SLC2A9: variants seen among roughly 807,000 people sequenced by gnomAD.
SLC2A9 encodes solute carrier family 2, facilitated glucose transporter member 9.
In SLC2A9, 39 loss-of-function variants were observed where a neutral mutation model predicts 50.6. The ratio of observed to expected loss-of-function variants is 0.77; its 90% confidence interval spans 0.60 to 1.01. The LOEUF (loss-of-function observed/expected upper bound fraction) is 1.01, where lower values mean the gene tolerates loss of function less well. SLC2A9 is among the 50% of genes least tolerant of loss of function. SLC2A9 has a pLI of 0.00. For missense variants in SLC2A9, 686 were observed against 677.6 expected (o/e 1.01, Z -0.14); for synonymous variants, 324 against 276.9 (o/e 1.17, Z -1.69).
rs1470309954 is a variant in SLC2A9 at position 9,784,867 on chromosome 4, G to A, written n.386-4802C>T. On this transcript the variant is annotated intron_variant and non_coding_transcript_variant, in intron 3 of 3. Coordinates refer to the SLC2A9 transcript ENST00000503803. ...TTCAATCAATTTTGATCTCTTTAAG[G>A]CTAATTTTATTGTCAGTCTTCTGTG... Among the ~76,000 whole-genome samples the A allele has an allele frequency of 2.0e-5, 3 of 152,158 alleles. No individual in the cohort carries two copies. In the South Asian group the frequency reaches 6.2e-4, roughly 32 times the overall value.
intron 8 of SLC2A9, among the ~76,000 whole-genome samples, chr4:9,895,745 T>C (rs1386553643): frequency 6.6e-6 from 1 of 152,244 alleles, no homozygotes; most frequent in Non-Finnish European, 1.5e-5. Context: ...CACAGTCTTG[T>C]ATGTTTTGAC....
At chr4:9,878,853 G>C (rs1199855925) in intron 10 of SLC2A9, among the ~76,000 whole-genome samples, 1 of 152,002 alleles carries the variant, frequency 6.6e-6, no homozygotes, top group African/African-American at 2.4e-5. Context: ...TGTCAGAATT[G>C]AGCTGAATTG....
In SLC2A9 at chr4:10,019,034, C is replaced by T. The variant is rs1295373181; in HGVS notation, c.190G>A (p.Ala64Thr). ...CSLLVASLAG[A>T]FGSSFLYGYN... ...CCGTAGAGGAAGGAGGAGCCGAAGG[C>T]GCCCGCGAGGGAGGCCACGAGGAGC... The change falls in exon 2 of 12, where the codon GCC (alanine) becomes ACC (threonine). Residue 64 changes from alanine to threonine, a missense_variant. Physicochemically the swap from Ala to Thr is moderately conservative, Grantham distance 58. Transcript: ENST00000264784. 2 of 1,550,920 alleles carry T rather than the reference C, an allele frequency of 1.3e-6. No homozygotes were observed. The highest frequency in any genetic ancestry group is 1.7e-6 in the Non-Finnish European group (2 of 1,146,970).
At chr4:9,928,010 G>A (rs1745224519) in intron 6 of SLC2A9, among the ~76,000 whole-genome samples, 1 of 152,222 alleles carries the variant, frequency 6.6e-6, no homozygotes, top group African/African-American at 2.4e-5. Context: ...GTACATGCCT[G>A]TATGTAGTTC....
At chr4:9,787,131 A>G (rs1456872898) in intron 3 of SLC2A9, among the ~76,000 whole-genome samples, 2 of 152,226 alleles carry the variant, frequency 1.3e-5, no homozygotes, top group Non-Finnish European at 2.9e-5. Context: ...CAATGGGCAC[A>G]TGAACCACAC....
At chr4:9,933,368 G>A (rs1746485658) in intron 6 of SLC2A9, among the ~76,000 whole-genome samples, 1 of 152,174 alleles carries the variant, frequency 6.6e-6, no homozygotes, top group Non-Finnish European at 1.5e-5. Flanking sequence ...CTTTCTCCTG[G>A]AAAGGGGAGG....
chr4:9,950,565 C>T (rs1390926362), intron 5 of SLC2A9, among the ~76,000 whole-genome samples: 1 of 146,708 alleles, frequency 6.8e-6, no homozygotes, highest in Non-Finnish European at 1.5e-5. Flanking sequence ...TCATCTCACC[C>T]CTGTCAAAAT....
intron 3 of SLC2A9, among the ~76,000 whole-genome samples, chr4:9,804,878 G>A (rs1297850290): frequency 6.6e-6 from 1 of 152,156 alleles, no homozygotes; most frequent in Non-Finnish European, 1.5e-5. Flanking sequence ...TTTAACAGGG[G>A]GAAGTAGTTG....
Position 9,944,027 on chromosome 4 carries a change from C to T in SLC2A9, c.682-1982G>A, listed in dbSNP as rs184088622. On this transcript the variant is annotated intron_variant, in intron 5 of 11. Coordinates refer to ENST00000264784, the MANE Select transcript of SLC2A9 (RefSeq NM_020041.3). ...CAAGCCTAATATTTTCCCACAGTAT[C>T]GTCACAGTGGGAGCACTTCCCAGGG... Among the ~76,000 whole-genome samples, 97 of 152,338 alleles carry T rather than the reference C, an allele frequency of 6.4e-4. 1 individual carries two copies. Among genetic ancestry groups the T allele is most frequent in the Admixed American group, 2.0e-3 (30 of 15,310 alleles).
chr4:9,889,746 A>T (rs893843049), intron 9 of SLC2A9, among the ~76,000 whole-genome samples: 11 of 152,178 alleles, frequency 7.2e-5, no homozygotes, highest in Admixed American at 3.3e-4. Flanking sequence ...AAGATTAATC[A>T]ATTGCTGCAA....
At chr4:10,010,018 T>C (rs1026710327) in intron 2 of SLC2A9, among the ~76,000 whole-genome samples, 1 of 152,210 alleles carries the variant, frequency 6.6e-6, no homozygotes, top group Non-Finnish European at 1.5e-5. Context: ...CTTGATAGTG[T>C]ATGTTAACAA....
chr4:9,771,689 A>C (rs1716841606), intron 1 of SLC2A9, among the ~76,000 whole-genome samples: 1 of 152,250 alleles, frequency 6.6e-6, no homozygotes. Context: ...CAGATCATTC[A>C]CTTCAGTGGG....
intron 5 of SLC2A9, among the ~76,000 whole-genome samples, chr4:9,966,152 C>T (rs1378311396): frequency 6.6e-6 from 1 of 152,094 alleles, no homozygotes; most frequent in Non-Finnish European, 1.5e-5. Flanking sequence ...AGACTAATGC[C>T]CTTGTGCCCT....
intron 6 of SLC2A9, among the ~76,000 whole-genome samples, chr4:9,936,914 C>T (rs1448514031): frequency 2.0e-5 from 3 of 152,170 alleles, no homozygotes; most frequent in Non-Finnish European, 2.9e-5. Flanking sequence ...ATCATGTCAT[C>T]CCAAGAGCAA....
chr4:9,826,368 T>G lies in SLC2A9; in HGVS notation c.*29A>C, dbSNP rs1190363739. On this transcript the variant is annotated 3_prime_UTR_variant, in exon 12 of 12. Transcript: ENST00000264784. ...CATGTAGACAATCCTGTTTTTGACA[T>G]AATTGTCCAACGTGGAGGAGGAAAC... 1 of 1,607,048 alleles carries G rather than the reference T, an allele frequency of 6.2e-7. No individual in the cohort carries two copies. The highest frequency in any genetic ancestry group is 8.5e-7 in the Non-Finnish European group (1 of 1,173,532).
intron 1 of SLC2A9, among the ~76,000 whole-genome samples, chr4:9,772,323 G>C (rs1716930096): frequency 6.6e-6 from 1 of 152,252 alleles, no homozygotes; most frequent in Non-Finnish European, 1.5e-5. Context: ...TCCATCTATT[G>C]TGGATTGTCA....
In SLC2A9 at chr4:9,942,021, C is replaced by T; in HGVS notation, c.706G>A (p.Gly236Arg). ...GKESTWPYLF[G>R]VIVVPAVVQL... is the part of the protein sequence containing the mutation. ...ACAACGGCAGGGACCACAATCACTC[C>T]AAACAGGTATGGCCAGGTACTCTCC... Residue 236 changes from glycine (G) to arginine (R), a missense_variant, in exon 6 of 12, where the codon GGA becomes AGA. Transcript: ENST00000264784. 1.2e-6 allele frequency: 2 copies of T among 1,614,184 alleles called. No homozygotes were observed. The highest frequency in any genetic ancestry group is 4.5e-5 in the East Asian group (2 of 44,876).
At chr4:9,795,740 C>T (rs192489364), downstream of SLC2A9, among the ~76,000 whole-genome samples, 106 of 152,266 alleles carry the variant, frequency 7.0e-4, no homozygotes, top group East Asian at 4.6e-3. Flanking sequence ...TGGTGAGGGA[C>T]GCATTGCCTT....
Position 9,879,465 on chromosome 4 carries a change from C to A in SLC2A9, c.1291+8102G>T, listed in dbSNP as rs113363460. On this transcript the variant is annotated intron_variant, in intron 10 of 11. Coordinates refer to ENST00000264784, the MANE Select transcript of SLC2A9 (RefSeq NM_020041.3). ...AGATGGCTGCAGTGCAGGGAGAATG[C>A]GGGATAGAGAGGGAGGGCAGGCAGG... The A allele has an allele frequency of 3.4e-4, 335 of 985,078 alleles. 2 individuals are homozygous for A. The African/African-American group carries it at 4.5e-3, about 13-fold the overall frequency. 61.0% of individuals were successfully genotyped at this position (985,078 alleles called of 1,614,324 possible).
Sources: gnomAD v4.1 joint callset for allele counts (sites outside exome capture counted in the v4.1 genomes callset) on GRCh38, gnomAD v4.1.1 for gene constraint, MANE v1.5 for transcripts, NCBI Gene and HGNC (gene_info 2026-07-23, HGNC 2026-07-21) for gene names.